Variants in NEO1 observed in about 807,000 individuals in gnomAD.
The protein encoded by NEO1 is neogenin 1, also known as neogenin.
NEO1 carries 63 observed loss-of-function variants against 159.7 expected under a neutral mutation model. The ratio of observed to expected loss-of-function variants is 0.39; its 90% CI spans 0.32 to 0.49. The LOEUF (loss-of-function observed/expected upper bound fraction) is 0.49, where lower values mean the gene tolerates loss of function less well. NEO1 is among the 20% of genes least tolerant of loss of function. The probability of loss-of-function intolerance (pLI) is 0.85; values close to 1 mark genes in which losing one functional copy is unlikely to be tolerated. For missense variants in NEO1, 1,615 were observed against 1,831.0 expected, an observed-to-expected ratio of 0.88 and a Z score of 2.15; for synonymous variants, 633 against 662.0, an observed-to-expected ratio of 0.96 and a Z score of 0.67.
At chr15:73,197,209 A>G (rs929601776) in intron 7 of NEO1, among the ~76,000 whole-genome samples, 2 of 152,050 alleles carry the variant, frequency 1.3e-5, no homozygotes, top group African/African-American at 2.4e-5. Context: ...AAATACAAAA[A>G]TTAGCCGGGT....
chr15:73,062,511 T>C (rs534677656), intron 1 of NEO1, among the ~76,000 whole-genome samples: 1 of 152,370 alleles, frequency 6.6e-6, no homozygotes, highest in South Asian at 2.1e-4. Context: ...TGACTCCTGC[T>C]AACCACTGCT....
At position 73,052,794 on chromosome 15, in the gene NEO1, C is replaced by G; in HGVS notation, c.119C>G (p.Pro40Arg). The G allele has an allele frequency of 2.7e-6, 3 of 1,098,942 alleles. No homozygotes were observed. The highest frequency in any genetic ancestry group is 2.2e-6 in the Non-Finnish European group (2 of 892,016). 68.1% of individuals were successfully genotyped at this position (1,098,942 alleles called of 1,614,324 possible). A position where few individuals can be genotyped will look rare whatever the true frequency, so the allele number is the denominator to read the frequency against. ...GAAAARSGSAPQSPGASIRTF... is the reference protein window; with the variant it reads ...GAAAARSGSARQSPGASIRTF... Reference sequence around the variant, plus strand: ...GCGGCCGCCAGGAGCGGCTCCGCGCCGCAGTCCCCAGGTAAGCGGCGGGCG... The same window carrying G: ...GCGGCCGCCAGGAGCGGCTCCGCGCGGCAGTCCCCAGGTAAGCGGCGGGCG... Residue 40 changes from proline (P) to arginine (R), a missense_variant, in exon 1 of 29, where the codon CCG becomes CGG. By Grantham distance (103) the Pro-to-Arg change is moderately radical. This residue lies in a region of NEO1 where 1,018 missense variants were observed against 1,115.4 expected (regional missense o/e 0.91). Transcript: ENST00000261908.
At chr15:73,152,255 C>T (rs898169445) in intron 5 of NEO1, among the ~76,000 whole-genome samples, 1 of 152,356 alleles carries the variant, frequency 6.6e-6, no homozygotes, top group Middle Eastern at 3.4e-3. Context: ...GCCCTCCTTT[C>T]ACCTGCCCCA....
chr15:73,164,210 GTTT>G (rs35133349), intron 5 of NEO1, among the ~76,000 whole-genome samples: 2 of 125,282 alleles, frequency 1.6e-5, no homozygotes, highest in African/African-American at 3.0e-5. Context: ...ATTATTATTG[GTTT>G]TTTTTTTTTT....
chr15:73,293,275 G>A (rs1238947538), intron 25 of NEO1, 115 bp from the exon 26 acceptor site: 2 of 1,274,388 alleles, frequency 1.6e-6, no homozygotes, highest in Admixed American at 1.9e-5. Context: ...AAAAAACCAA[G>A]GGAGTGTTTG....
At chr15:73,262,806 G>A (rs2040684363) in intron 15 of NEO1, among the ~76,000 whole-genome samples, 1 of 152,178 alleles carries the variant, frequency 6.6e-6, no homozygotes, top group African/African-American at 2.4e-5. Context: ...TTATGAACAA[G>A]GGGAAATAAC....
intron 5 of NEO1, among the ~76,000 whole-genome samples, chr15:73,150,507 C>T (rs781075705): frequency 2.6e-5 from 4 of 152,128 alleles, no homozygotes; most frequent in Non-Finnish European, 4.4e-5. Context: ...AATGCTGTAT[C>T]AAATATCTAT....
intron 2 of NEO1, among the ~76,000 whole-genome samples, chr15:73,120,036 T>A (rs2071544946): frequency 1.3e-5 from 2 of 152,132 alleles, no homozygotes; most frequent in South Asian, 4.1e-4. Context: ...CTTGGGAGGC[T>A]GAGGCAGGAG....
intron 5 of NEO1, among the ~76,000 whole-genome samples, chr15:73,145,303 A>G (rs1195327918): frequency 2.6e-5 from 4 of 152,166 alleles, no homozygotes; most frequent in Non-Finnish European, 5.9e-5. Context: ...ACTCTTGGCA[A>G]AATTATATGG....
Position 73,253,620 on chromosome 15 carries a change from A to T in NEO1, c.1944+171A>T, listed in dbSNP as rs903830257. ...ATAAATTAGAACGTAAGTGAAAAAA[A>T]TCACAAGCAAAGAAGTAAAAAGACA... On this transcript the variant is annotated intron_variant, in intron 12 of 28. Transcript: ENST00000261908. 2.0e-4 allele frequency among the ~76,000 whole-genome samples: 31 copies of T among 152,230 alleles called. 1 individual carries two copies. Among genetic ancestry groups the T allele is most frequent in the African/African-American group, 5.8e-4 (24 of 41,452 alleles).
chr15:73,154,671 T>C (rs759707429), intron 5 of NEO1, among the ~76,000 whole-genome samples: 1 of 152,244 alleles, frequency 6.6e-6, no homozygotes, highest in African/African-American at 2.4e-5. Flanking sequence ...TAGCTAGTCC[T>C]GCTCACTTTC....
In NEO1 at chr15:73,206,761, C is replaced by T. The variant is rs1185794537; in HGVS notation, c.1291+28334C>T. On this transcript the variant is annotated intron_variant, in intron 7 of 28. Coordinates refer to ENST00000261908, the MANE Select transcript of NEO1 (RefSeq NM_002499.4). ...TTTTTTGTTTTCACCAAACCACTTT[C>T]TATCGTTTAAGAATTCTTCAACATT... Among the ~76,000 whole-genome samples, 4 of 152,138 alleles carry T rather than the reference C, an allele frequency of 2.6e-5. No individual in the cohort carries two copies. In the South Asian group the frequency reaches 8.3e-4, roughly 31 times the overall value.
At chr15:73,175,318 T>G (rs893736666) in intron 5 of NEO1, among the ~76,000 whole-genome samples, 1 of 152,216 alleles carries the variant, frequency 6.6e-6, no homozygotes, top group African/African-American at 2.4e-5. Context: ...TTAAAAAATT[T>G]AAAGTACCAC....
chr15:73,052,718 T>A lies in NEO1; in HGVS notation c.43T>A (p.Ser15Thr). 7.4e-7 allele frequency: 1 copy of A among 1,348,538 alleles called. No homozygotes were observed. The highest frequency in any genetic ancestry group is 9.6e-7 in the Non-Finnish European group (1 of 1,042,124). 83.5% of individuals were successfully genotyped at this position (1,348,538 alleles called of 1,614,324 possible). A position where few individuals can be genotyped will look rare whatever the true frequency, so the allele number is the denominator to read the frequency against. Residue 15 changes from serine (S) to threonine (T), a missense_variant, in exon 1 of 29, where the codon TCC (serine) becomes ACC (threonine). By Grantham distance (58) the Ser-to-Thr change is moderately conservative. Coordinates refer to ENST00000261908, the MANE Select transcript of NEO1 (RefSeq NM_002499.4). Reference protein sequence around the residue: ...RGARRLLSTPSFWLYCLLLLG... With the variant: ...RGARRLLSTPTFWLYCLLLLG... ...AGCCCGGCGACTCCTCAGCACCCCCTCCTTCTGGCTCTACTGCCTGCTGCT... is the reference window on the plus strand; with the variant it reads ...AGCCCGGCGACTCCTCAGCACCCCCACCTTCTGGCTCTACTGCCTGCTGCT...
At chr15:73,243,385 G>A (rs1335868165) in intron 8 of NEO1, among the ~76,000 whole-genome samples, 1 of 152,174 alleles carries the variant, frequency 6.6e-6, no homozygotes, top group Non-Finnish European at 1.5e-5. Flanking sequence ...CAATAAATTA[G>A]AATAATTTCT....
At chr15:73,246,842 C>T (rs1256497482) in intron 9 of NEO1, among the ~76,000 whole-genome samples, 1 of 152,094 alleles carries the variant, frequency 6.6e-6, no homozygotes, top group Non-Finnish European at 1.5e-5. Flanking sequence ...AGAACCACTG[C>T]GAGGGTCATT....
At chr15:73,293,023 A>T (rs1184110343) in intron 25 of NEO1, among the ~76,000 whole-genome samples, 4 of 152,242 alleles carry the variant, frequency 2.6e-5, no homozygotes, top group African/African-American at 9.6e-5. Context: ...ATTCAAATAG[A>T]TACTTGTAAT....
At chr15:73,275,359 A>G (rs1195761108) in intron 21 of NEO1, among the ~76,000 whole-genome samples, 2 of 152,166 alleles carry the variant, frequency 1.3e-5, no homozygotes, top group Admixed American at 1.3e-4. Context: ...TATTTGAAAT[A>G]AAAACTTAGG....
In NEO1 at chr15:73,253,318, A is replaced by G. The variant is rs1455575681; in HGVS notation, c.1895-82A>G. On this transcript the variant is annotated intron_variant, in intron 11 of 28. Coordinates refer to ENST00000261908, the MANE Select transcript of NEO1 (RefSeq NM_002499.4). ...CAGTGTTTGAGATGTGCATTTGTTT[A>G]AAGTCCAGCCAAGATGATCACATGA... is the stretch of plus-strand genomic sequence containing the variant. The G allele has an allele frequency of 9.1e-6, 7 of 769,176 alleles. No homozygotes were observed. In the African/African-American group the frequency reaches 1.0e-4, roughly 11 times the overall value. The allele number at this position is 769,176 out of a possible 1,614,324, so 47.6% of individuals were successfully genotyped here. A position where few individuals can be genotyped will look rare whatever the true frequency, so the allele number is the denominator to read the frequency against.
Sources: allele counts gnomAD v4.1 joint callset (sites outside exome capture counted in the v4.1 genomes callset), GRCh38; gene constraint gnomAD v4.1.1; regional missense constraint gnomAD v4.1.1; transcripts MANE v1.5; gene names NCBI Gene and HGNC (gene_info 2026-07-23, HGNC 2026-07-21).